The following PVALEF variants were observed in gnomAD, a reference collection of about 807,000 sequenced individuals.
PVALEF encodes parvalbumin like EF-hand containing, also known as parvalbumin-like EF-hand-containing protein.
A neutral mutation model predicts 1.2 loss-of-function variants in PVALEF; 2 were observed. The ratio of observed to expected loss-of-function variants is 1.68; its 90% CI spans 0.69 to 5.28. The LOEUF (loss-of-function observed/expected upper bound fraction) is 5.28. PVALEF is among the 30% of genes most tolerant of loss of function. PVALEF has a pLI of 0.06. For synonymous variants in PVALEF, 16 were observed against 6.5 expected, an observed-to-expected ratio of 2.47 and a Z score of -2.24; for missense variants, 35 against 17.7, an observed-to-expected ratio of 1.97 and a Z score of -1.75.
At chr17:81,176,293 C>T (rs1054159170) in intron 2 of PVALEF, among the ~76,000 whole-genome samples, 8 of 151,886 alleles carry the variant, frequency 5.3e-5, no homozygotes, top group Non-Finnish European at 8.8e-5. Context: ...CCAAACTGGG[C>T]GGATCACCTG....
At chr17:81,170,279 CTGTG>C (rs983439413) in intron 2 of PVALEF, among the ~76,000 whole-genome samples, 14 of 146,092 alleles carry the variant, frequency 9.6e-5, no homozygotes, top group Non-Finnish European at 1.5e-5. Context: ...ATAGGTGTGT[CTGTG>C]TGTGTTGGTA....
intron 2 of PVALEF, among the ~76,000 whole-genome samples, chr17:81,170,427 C>T (rs534200259): frequency 6.6e-6 from 1 of 152,066 alleles, no homozygotes; most frequent in Admixed American, 6.6e-5. Context: ...TTAGGACCCC[C>T]TGCTCCAGTC....
intron 2 of PVALEF, among the ~76,000 whole-genome samples, chr17:81,170,923 G>A (rs564283848): frequency 6.6e-6 from 1 of 152,188 alleles, no homozygotes; most frequent in East Asian, 1.9e-4. Flanking sequence ...AACAGAGCTG[G>A]GTGCTCTTCC....
intron 2 of PVALEF, among the ~76,000 whole-genome samples, chr17:81,176,174 G>A (rs950808432): frequency 6.6e-6 from 1 of 152,130 alleles, no homozygotes; most frequent in African/African-American, 2.4e-5. Context: ...TGCCTAATAA[G>A]CCCATGAGAA....
rs187883799 is a variant in PVALEF, at chr17:81,175,415, T to C, written c.-339-3503T>C. Among the ~76,000 whole-genome samples, 46 of 152,308 alleles carry C rather than the reference T, an allele frequency of 3.0e-4. 1 individual carries two copies. The highest frequency in any genetic ancestry group is 1.5e-5 in the Non-Finnish European group (1 of 68,028). ...ATCCCTATCTAAATCCCAGTGACTTTTGCAGAAATAGGAAGCCCATCCTAA... is the reference window on the plus strand; with the variant it reads ...ATCCCTATCTAAATCCCAGTGACTTCTGCAGAAATAGGAAGCCCATCCTAA... On this transcript the variant is annotated intron_variant, in intron 2 of 6. Transcript: ENST00000637878.
chr17:81,171,502 T>C (rs570701558), intron 2 of PVALEF, among the ~76,000 whole-genome samples: 2 of 152,154 alleles, frequency 1.3e-5, no homozygotes, highest in South Asian at 2.1e-4. Context: ...ACATATTTCC[T>C]TTTTTTTGAG....
intron 2 of PVALEF, among the ~76,000 whole-genome samples, chr17:81,174,047 C>T (rs1285092196): frequency 6.6e-6 from 1 of 152,124 alleles, no homozygotes; most frequent in Admixed American, 6.5e-5. Context: ...ACAGAAAACA[C>T]GTGATTATCT....
intron 2 of PVALEF, among the ~76,000 whole-genome samples, chr17:81,167,889 G>A (rs922604532): frequency 3.3e-5 from 5 of 152,228 alleles, no homozygotes; most frequent in East Asian, 1.9e-4. Flanking sequence ...GGGCCACCTC[G>A]TTCAGTCTGT....
At chr17:81,174,917 C>T (rs2061531931) in intron 2 of PVALEF, among the ~76,000 whole-genome samples, 1 of 146,444 alleles carries the variant, frequency 6.8e-6, no homozygotes, top group South Asian at 2.1e-4. Context: ...CCACTGCACT[C>T]CAGCCTGGGT....
intron 2 of PVALEF, among the ~76,000 whole-genome samples, chr17:81,170,385 T>C (rs1037402787): frequency 6.6e-6 from 1 of 151,930 alleles, no homozygotes; most frequent in African/African-American, 2.4e-5. Flanking sequence ...GTGTCCGTCC[T>C]CTCCTCTCGT....
At chr17:81,177,648 G>T (rs2061540190) in intron 2 of PVALEF, among the ~76,000 whole-genome samples, 1 of 152,126 alleles carries the variant, frequency 6.6e-6, no homozygotes. Flanking sequence ...AAAGCATTAA[G>T]GAAATGGAGG....
chr17:81,165,772 C>A (rs1379259100), intron 1 of PVALEF, 25 bp downstream of exon 1: 3 of 1,510,122 alleles, frequency 2.0e-6, no homozygotes, highest in African/African-American at 1.4e-5. Context: ...CCAGGGCCTG[C>A]CCCTCCGAGA....
At chr17:81,168,697 C>T (rs1055487851) in intron 2 of PVALEF, among the ~76,000 whole-genome samples, 2 of 152,104 alleles carry the variant, frequency 1.3e-5, no homozygotes, top group Admixed American at 6.5e-5. Context: ...GGGAGAGTGT[C>T]GGTGCAGAAG....
chr17:81,181,038 A>C, intron 3 of PVALEF, 85 bp from the exon 4 acceptor site: 2 of 525,680 alleles, frequency 3.8e-6, no homozygotes, highest in Non-Finnish European at 6.8e-6. Context: ...CCAGACCCCC[A>C]CCTGCCTGGC....
In PVALEF at chr17:81,166,744, G is replaced by C; in HGVS notation, c.-440G>C. Reference sequence around the variant, plus strand: ...TGGGTGGCACCTGTGCTGGTGGAGTGGGGGTGGCTGGCTTTGCACACAGGC... The same window carrying C: ...TGGGTGGCACCTGTGCTGGTGGAGTCGGGGTGGCTGGCTTTGCACACAGGC... On this transcript the variant is annotated 5_prime_UTR_variant, in exon 2 of 7. Transcript: ENST00000637878. 2.2e-6 allele frequency: 1 copy of C among 456,488 alleles called. No homozygotes were observed. The highest frequency in any genetic ancestry group is 4.4e-6 in the Non-Finnish European group (1 of 226,866). The allele number at this position is 456,488 out of a possible 1,614,324, so 28.3% of individuals were successfully genotyped here. A position where few individuals can be genotyped will look rare whatever the true frequency, so the allele number is the denominator to read the frequency against.
chr17:81,178,070 TGAA>T (rs953620101), intron 2 of PVALEF, among the ~76,000 whole-genome samples: 4 of 152,136 alleles, frequency 2.6e-5, no homozygotes, highest in African/African-American at 4.8e-5. Context: ...TGGGGTCTCT[TGAA>T]GAAGGAGGAT....
intron 2 of PVALEF, among the ~76,000 whole-genome samples, chr17:81,176,583 T>C (rs1306743494): frequency 1.5e-5 from 2 of 136,924 alleles, no homozygotes; most frequent in East Asian, 4.2e-4. Flanking sequence ...TGGCTGCTAT[T>C]AAAAAAAAAA....
At chr17:81,176,057 G>T (rs554425709) in intron 2 of PVALEF, among the ~76,000 whole-genome samples, 12 of 152,276 alleles carry the variant, frequency 7.9e-5, no homozygotes, top group African/African-American at 2.9e-4. Flanking sequence ...AATTTAGAGA[G>T]AACATATGAA....
chr17:81,166,438 G>T (rs2061492256), intron 1 of PVALEF, among the ~76,000 whole-genome samples: 1 of 109,322 alleles, frequency 9.1e-6, no homozygotes, highest in South Asian at 3.8e-4. Flanking sequence ...GGATGGCACG[G>T]AGTGGGGGGA....
Sources: gnomAD v4.1 joint callset for allele counts (sites outside exome capture counted in the v4.1 genomes callset) on GRCh38, gnomAD v4.1.1 for gene constraint, MANE v1.5 for transcripts, NCBI Gene and HGNC (gene_info 2026-07-23, HGNC 2026-07-21) for gene names.